TET3: variants seen among roughly 807,000 people sequenced by gnomAD.
TET3 encodes methylcytosine dioxygenase TET3.
Under a neutral mutation model 141.4 loss-of-function variants are expected in TET3, and 19 were observed. That is an observed-to-expected ratio of 0.13 (90% CI 0.09 to 0.20). The LOEUF (loss-of-function observed/expected upper bound fraction) is 0.20. Among genes scored for constraint, TET3 ranks in the 10% least tolerant of loss-of-function variants. The pLI, the probability that TET3 is intolerant of heterozygous loss-of-function variation, is 1.00. For synonymous variants in TET3, 1,043 were observed against 980.9 expected, an observed-to-expected ratio of 1.06 and a Z score of -1.18; for missense variants, 1,874 against 2,356.9, an observed-to-expected ratio of 0.80 and a Z score of 4.24.
At chr2:74,075,288 A>G (rs1451126839) in intron 5 of TET3, among the ~76,000 whole-genome samples, 1 of 146,512 alleles carries the variant, frequency 6.8e-6, no homozygotes, top group Non-Finnish European at 1.5e-5. Flanking sequence ...AAATTTGGGA[A>G]CCCCATTTTG....
At chr2:74,133,886 A>C in the TET3 span, among the ~76,000 whole-genome samples, 1 of 152,094 alleles carries the variant, frequency 6.6e-6, no homozygotes, top group African/African-American at 2.4e-5. Context: ...CTGGGATTAC[A>C]GGCGCGTGCC....
intron 3 of TET3, among the ~76,000 whole-genome samples, chr2:74,028,722 G>A (rs936582479): frequency 2.0e-5 from 3 of 152,114 alleles, no homozygotes; most frequent in African/African-American, 7.2e-5. Flanking sequence ...AAAATTTCTG[G>A]TGAAGGACTA....
chr2:73,991,214 A>G (rs1684305138), intron 2 of TET3, among the ~76,000 whole-genome samples: 1 of 152,020 alleles, frequency 6.6e-6, no homozygotes, highest in Non-Finnish European at 1.5e-5. Context: ...ATCGTCTTTC[A>G]AATGCAAGCG....
rs1157982183 is a variant in TET3, at chr2:73,986,272, G to A, written c.-132G>A. 1.2e-6 allele frequency: 1 copy of A among 804,520 alleles called. No individual in the cohort carries two copies. Among genetic ancestry groups the A allele is most frequent in the Non-Finnish European group, 1.7e-6 (1 of 598,524 alleles). The allele number at this position is 804,520 out of a possible 1,614,324, so 49.8% of individuals were successfully genotyped here. On this transcript the variant is annotated 5_prime_UTR_variant, in exon 2 of 12. Coordinates refer to ENST00000409262, the MANE Select transcript of TET3 (RefSeq NM_001287491.2). ...AGAAGAGGCATCCATCCACGAGACT[G>A]AAGCCACTTGCCTTCACCCTTGTAG...
intron 4 of TET3, among the ~76,000 whole-genome samples, chr2:74,064,778 G>A (rs1688791499): frequency 6.6e-6 from 1 of 152,044 alleles, no homozygotes; most frequent in Admixed American, 6.6e-5. Flanking sequence ...AAAATGCATA[G>A]CCTAGAAATA....
At chr2:74,001,119 A>T (rs1392439274) in intron 2 of TET3, among the ~76,000 whole-genome samples, 1 of 152,096 alleles carries the variant, frequency 6.6e-6, no homozygotes, top group African/African-American at 2.4e-5. Context: ...ATGCTTTGCC[A>T]CCTGCCTCCC....
At chr2:73,989,072 G>T (rs1684199548) in intron 2 of TET3, among the ~76,000 whole-genome samples, 2 of 148,700 alleles carry the variant, frequency 1.3e-5, no homozygotes, top group Non-Finnish European at 3.0e-5. Context: ...CATTTAACGG[G>T]CATATCTGTG....
rs764927938 is a variant in TET3, at chr2:74,099,522, G to A, written c.3514G>A (p.Glu1172Lys). The change falls in exon 11 of 12, where the codon GAG (glutamate) becomes AAG (lysine). Residue 1172 changes from glutamate to lysine, a missense_variant. Physicochemically the swap from Glu to Lys is moderately conservative, Grantham distance 56 (BLOSUM62 1). This residue lies in a region of TET3 where 602 missense variants were observed against 590.2 expected (regional missense o/e 1.02). Coordinates refer to ENST00000409262, the MANE Select transcript of TET3 (RefSeq NM_001287491.2). Reference sequence around the variant, plus strand: ...GCTGGAAGCCAGAAAGGCAGCAGCCGAGAAGAAGAAGATTCAGAAGGAGAA... The same window carrying A: ...GCTGGAAGCCAGAAAGGCAGCAGCCAAGAAGAAGAAGATTCAGAAGGAGAA... Reference protein sequence around the residue: ...RQLEARKAAAEKKKIQKEKLS... With the variant: ...RQLEARKAAAKKKKIQKEKLS... 7.4e-6 allele frequency: 12 copies of A among 1,612,538 alleles called. No individual in the cohort carries two copies. Among genetic ancestry groups the A allele is most frequent in the East Asian group, 4.5e-5 (2 of 44,848 alleles).
intron 7 of TET3, among the ~76,000 whole-genome samples, chr2:74,089,429 G>T (rs1380194034): frequency 6.6e-6 from 1 of 152,196 alleles, no homozygotes. Context: ...GTTGTTTCCA[G>T]ATTGTATTAA....
chr2:74,081,993 ACCT>A, intron 6 of TET3, among the ~76,000 whole-genome samples: 1 of 152,016 alleles, frequency 6.6e-6, no homozygotes, highest in African/African-American at 2.4e-5. Context: ...GTGGGGTGTT[ACCT>A]CCCCAGAGAA....
intron 4 of TET3, among the ~76,000 whole-genome samples, chr2:74,056,163 C>G (rs1325873417): frequency 6.6e-6 from 1 of 152,170 alleles, no homozygotes; most frequent in Non-Finnish European, 1.5e-5. Context: ...AAAGAAATGC[C>G]TCAGCTGTGC....
chr2:74,047,718 C>T lies in TET3; in HGVS notation c.1801C>T (p.Pro601Ser). ...GTEKAAPGIK[P>S]SVRKPIQIKK... ...GGAGAAAGCTGCCCCTGGGATCAAG[C>T]CCAGTGTCCGAAAGCCCATTCAGAT... is the stretch of plus-strand genomic sequence containing the variant. The change falls in exon 4 of 12, where the codon CCC becomes TCC. Residue 601 changes from proline to serine, a missense_variant. Physicochemically the swap from Pro to Ser is moderately conservative, Grantham distance 74. Transcript: ENST00000409262. The T allele has an allele frequency of 1.2e-6, 2 of 1,613,536 alleles. No individual in the cohort carries two copies. Among genetic ancestry groups the T allele is most frequent in the Non-Finnish European group, 1.7e-6 (2 of 1,179,700 alleles).
At chr2:74,074,433 T>C (rs555108150) in intron 5 of TET3, among the ~76,000 whole-genome samples, 1 of 152,362 alleles carries the variant, frequency 6.6e-6, no homozygotes, top group South Asian at 2.1e-4. Context: ...ACACTCCCAA[T>C]TCAAATTCAG....
chr2:74,042,924 T>C (rs1687419010), intron 3 of TET3, among the ~76,000 whole-genome samples: 1 of 152,234 alleles, frequency 6.6e-6, no homozygotes, highest in Admixed American at 6.5e-5. Context: ...ACTTTTCCCT[T>C]TCTCCTCTTT....
At chr2:74,125,238 T>C in the TET3 span, among the ~76,000 whole-genome samples, 2 of 152,206 alleles carry the variant, frequency 1.3e-5, no homozygotes, top group Non-Finnish European at 2.9e-5. Context: ...TGCCTCGGCC[T>C]CCCAAAGTGC....
intron 2 of TET3, among the ~76,000 whole-genome samples, chr2:73,991,555 G>C (rs1469343119): frequency 6.6e-6 from 1 of 152,100 alleles, no homozygotes; most frequent in Non-Finnish European, 1.5e-5. Context: ...GCCCTGTTCA[G>C]TCTGTCAACC....
chr2:74,057,272 TG>T (rs1688268223), intron 4 of TET3, among the ~76,000 whole-genome samples: 3 of 152,026 alleles, frequency 2.0e-5, no homozygotes, highest in Admixed American at 1.3e-4. Flanking sequence ...ATCCTAAGAG[TG>T]TCTCTCCACA....
the TET3 span, among the ~76,000 whole-genome samples, chr2:74,124,097 G>A: frequency 1.4e-4 from 21 of 151,746 alleles, no homozygotes; most frequent in Non-Finnish European, 2.1e-4. Context: ...GAGCCCCTCC[G>A]CCCAGCAGCT....
At chr2:74,070,747 G>A (rs892757377) in intron 4 of TET3, among the ~76,000 whole-genome samples, 32 of 152,182 alleles carry the variant, frequency 2.1e-4, no homozygotes, top group African/African-American at 6.0e-4. Flanking sequence ...GCCGAGGCAG[G>A]CAGATAGATT....
Sources: gnomAD v4.1 joint callset for allele counts (sites outside exome capture counted in the v4.1 genomes callset) on GRCh38, gnomAD v4.1.1 for gene constraint, gnomAD v4.1.1 regional missense constraint, MANE v1.5 for transcripts, NCBI Gene and HGNC (gene_info 2026-07-23, HGNC 2026-07-21) for gene names.